Variants in MYO18B observed in about 807,000 individuals in gnomAD.
MYO18B encodes unconventional myosin-XVIIIb.
Under a neutral mutation model 273.0 loss-of-function variants are expected in MYO18B, and 204 were observed. That is an observed-to-expected ratio of 0.75 (90% CI 0.67 to 0.84). MYO18B has a LOEUF of 0.84. MYO18B is among the 40% of genes least tolerant of loss of function. MYO18B has a pLI of 0.00. For missense variants in MYO18B, 3,212 were observed against 3,287.6 expected, an observed-to-expected ratio of 0.98 and a Z score of 0.56; for synonymous variants, 1,330 against 1,305.7, an observed-to-expected ratio of 1.02 and a Z score of -0.40.
At chr22:26,008,395 A>G (rs1390592599) in intron 42 of MYO18B, among the ~76,000 whole-genome samples, 1 of 152,188 alleles carries the variant, frequency 6.6e-6, no homozygotes, top group Non-Finnish European at 1.5e-5. Flanking sequence ...ACCCGCTCCC[A>G]TATTACCTGG....
intron 12 of MYO18B, among the ~76,000 whole-genome samples, chr22:25,810,183 C>T (rs1415405673): frequency 1.9e-4 from 29 of 149,994 alleles, no homozygotes; most frequent in Admixed American, 1.8e-3. Flanking sequence ...CTGCAAGCTC[C>T]GCCTCCCGGG....
intron 11 of MYO18B, among the ~76,000 whole-genome samples, chr22:25,797,310 G>A (rs945767331): frequency 6.6e-6 from 1 of 152,186 alleles, no homozygotes; most frequent in African/African-American, 2.4e-5. Flanking sequence ...GGTTCCCTTT[G>A]CCTGTTGGGA....
the MYO18B span, among the ~76,000 whole-genome samples, chr22:26,050,416 G>A: frequency 1.4e-3 from 211 of 152,302 alleles, 1 homozygote; most frequent in Non-Finnish European, 2.6e-3. Context: ...CCTCTGTACC[G>A]GGCTAGGGGA....
intron 1 of MYO18B, among the ~76,000 whole-genome samples, chr22:25,752,657 A>AT (rs1195066982): frequency 7.4e-6 from 1 of 135,996 alleles, no homozygotes; most frequent in Non-Finnish European, 1.6e-5. Flanking sequence ...CACCTGGCTA[A>AT]TTAAAAAAAA....
intron 34 of MYO18B, among the ~76,000 whole-genome samples, chr22:25,928,143 G>T (rs1024196219): frequency 2.6e-5 from 4 of 152,100 alleles, no homozygotes; most frequent in Non-Finnish European, 4.4e-5. Context: ...GATAGTGCTG[G>T]TAATGGAGGC....
At chr22:25,774,313 C>G (rs148221243) in intron 7 of MYO18B, among the ~76,000 whole-genome samples, 1 of 152,182 alleles carries the variant, frequency 6.6e-6, no homozygotes, top group Non-Finnish European at 1.5e-5. Flanking sequence ...GAGCTTGGCA[C>G]GTGCCCTCTC....
intron 40 of MYO18B, among the ~76,000 whole-genome samples, chr22:25,996,059 C>A (rs955569164): frequency 6.6e-6 from 1 of 152,160 alleles, no homozygotes; most frequent in Non-Finnish European, 1.5e-5. Context: ...AATGGGAAGT[C>A]AAGGAAGAAT....
chr22:26,060,674 T>G, the MYO18B span, among the ~76,000 whole-genome samples: 1 of 151,992 alleles, frequency 6.6e-6, no homozygotes, highest in African/African-American at 2.4e-5. Flanking sequence ...TACGCACACA[T>G]GCACACTACA....
At chr22:25,845,828 T>C (rs758704711) in intron 18 of MYO18B, among the ~76,000 whole-genome samples, 9 of 152,064 alleles carry the variant, frequency 5.9e-5, no homozygotes, top group Non-Finnish European at 7.4e-5. Context: ...AGAATATCCA[T>C]AGGACAGATG....
intron 33 of MYO18B, among the ~76,000 whole-genome samples, chr22:25,917,196 A>T (rs930620629): frequency 3.3e-5 from 5 of 152,238 alleles, no homozygotes; most frequent in Non-Finnish European, 1.5e-5. Context: ...CCATAAAGGA[A>T]AAGTTTTAAA....
intron 27 of MYO18B, among the ~76,000 whole-genome samples, chr22:25,892,860 T>C (rs2146289372): frequency 6.6e-6 from 1 of 152,314 alleles, no homozygotes; most frequent in Non-Finnish European, 1.5e-5. Context: ...AGGTAATTTC[T>C]ATAAAATCCC....
At chr22:25,988,624 C>T (rs2093227558) in intron 39 of MYO18B, among the ~76,000 whole-genome samples, 1 of 152,134 alleles carries the variant, frequency 6.6e-6, no homozygotes, top group Middle Eastern at 3.2e-3. Flanking sequence ...GAGCCAGAGT[C>T]CTGCATTCCA....
At chr22:25,780,269 A>C (rs1258708621) in intron 9 of MYO18B, 71 bp downstream of exon 9, 1 of 1,501,676 alleles carries the variant, frequency 6.7e-7, no homozygotes, top group African/African-American at 1.4e-5. Flanking sequence ...GACTCAGCAG[A>C]GCCCACGCCT....
chr22:25,948,526 T>TCC (rs754966445), intron 36 of MYO18B, among the ~76,000 whole-genome samples: 19,539 of 122,576 alleles, frequency 0.16, 1,949 homozygotes, highest in South Asian at 0.27. Flanking sequence ...CCTTCTTTCT[T>TCC]TCTTCCTTCC....
chr22:25,911,078 A>G, intron 33 of MYO18B, 28 bp downstream of exon 33: 1 of 1,531,120 alleles, frequency 6.5e-7, no homozygotes, highest in Non-Finnish European at 8.9e-7. Flanking sequence ...GCAGACATTC[A>G]GAGGAGTATC....
At chr22:25,969,523 G>A (rs2093013757) in intron 39 of MYO18B, among the ~76,000 whole-genome samples, 1 of 152,136 alleles carries the variant, frequency 6.6e-6, no homozygotes, top group African/African-American at 2.4e-5. Flanking sequence ...GCTGCTTTGG[G>A]GCTACAACAG....
At chr22:25,836,410 C>T (rs959309400) in intron 17 of MYO18B, among the ~76,000 whole-genome samples, 1 of 152,118 alleles carries the variant, frequency 6.6e-6, no homozygotes, top group Non-Finnish European at 1.5e-5. Context: ...GATGAGGATG[C>T]TGATGGTGAT....
chr22:25,770,789 CT>C, intron 5 of MYO18B, 82 bp from the exon 6 acceptor site: 1 of 999,020 alleles, frequency 1.0e-6, no homozygotes, highest in Non-Finnish European at 1.5e-6. Context: ...TAGAGCCTCT[CT>C]TATCTCCTGC....
At position 25,971,318 on chromosome 22, in the gene MYO18B, G is replaced by A. The variant is rs541441715; in HGVS notation, c.6156+15954G>A. On this transcript the variant is annotated intron_variant, in intron 39 of 43. Transcript: ENST00000335473. Reference sequence around the variant, plus strand: ...CAGAGCTGGGTTTAAATCTTGTCTCGATCTCTTTCAGGCACCTGTCCTCTT... The same window carrying A: ...CAGAGCTGGGTTTAAATCTTGTCTCAATCTCTTTCAGGCACCTGTCCTCTT... 6.6e-5 allele frequency among the ~76,000 whole-genome samples: 10 copies of A among 152,340 alleles called. No homozygotes were observed. The South Asian group carries it at 1.7e-3, about 25-fold the overall frequency.
Sources: gnomAD v4.1 joint callset for allele counts (sites outside exome capture counted in the v4.1 genomes callset) on GRCh38, gnomAD v4.1.1 for gene constraint, MANE v1.5 for transcripts, NCBI Gene and HGNC (gene_info 2026-07-23, HGNC 2026-07-21) for gene names.